Variants in PRKN observed in about 807,000 individuals in gnomAD.
PRKN encodes the protein parkin RBR E3 ubiquitin protein ligase, also known as E3 ubiquitin-protein ligase parkin.
A neutral mutation model predicts 59.5 loss-of-function variants in PRKN; 56 were observed. That is an observed-to-expected ratio of 0.94 (90% confidence interval 0.76 to 1.18). The LOEUF is 1.18. Among genes scored for constraint, PRKN ranks in the 50% most tolerant of loss-of-function variants. PRKN has a pLI of 0.00. For synonymous variants in PRKN, 250 were observed against 222.1 expected, an observed-to-expected ratio of 1.13 and a Z score of -1.12; for missense variants, 657 against 596.4, an observed-to-expected ratio of 1.10 and a Z score of -1.06.
chr6:161,919,382 C>T (rs1028039801), intron 6 of PRKN, among the ~76,000 whole-genome samples: 7 of 152,070 alleles, frequency 4.6e-5, no homozygotes, highest in African/African-American at 1.4e-4. Context: ...AAATATGCAT[C>T]GAAAAACTTT....
intron 2 of PRKN, among the ~76,000 whole-genome samples, chr6:162,422,484 G>A (rs1460936204): frequency 1.3e-5 from 2 of 152,136 alleles, no homozygotes; most frequent in African/African-American, 4.8e-5. Context: ...GCTCTCACAG[G>A]GCAGGGAAGG....
chr6:162,469,214 G>T (rs182785779), intron 1 of PRKN, among the ~76,000 whole-genome samples: 6 of 151,890 alleles, frequency 4.0e-5, no homozygotes, highest in Non-Finnish European at 7.4e-5. Flanking sequence ...TTGAAGGCAC[G>T]CACCACACTA....
intron 7 of PRKN, among the ~76,000 whole-genome samples, chr6:161,633,808 G>T (rs926358311): frequency 6.6e-6 from 1 of 152,054 alleles, no homozygotes; most frequent in African/African-American, 2.4e-5. Context: ...CATTCCACTC[G>T]ATTTTTCTAA....
rs186659614 is a variant in PRKN, at chr6:161,428,588, G to A, written c.1084-41711C>T. Among the ~76,000 whole-genome samples, 15 of 152,262 alleles carry A rather than the reference G, an allele frequency of 9.9e-5. No individual in the cohort carries two copies. The highest frequency in any genetic ancestry group is 3.9e-4 in the East Asian group (2 of 5,184). On this transcript the variant is annotated intron_variant, in intron 9 of 11. Coordinates refer to ENST00000366898, the MANE Select transcript of PRKN (RefSeq NM_004562.3). This position sits in a 1 kb window ranked among gnomAD's most constrained non-coding sequence, Gnocchi z 4.0. ...TTGTGGCTGCCTTTGATTGTTTGGCGGTTTGCTGTGTTCTCTGAGTGTTTT... is the reference window on the plus strand; with the variant it reads ...TTGTGGCTGCCTTTGATTGTTTGGCAGTTTGCTGTGTTCTCTGAGTGTTTT...
intron 2 of PRKN, among the ~76,000 whole-genome samples, chr6:162,390,745 G>A (rs1787141041): frequency 6.6e-6 from 1 of 151,990 alleles, no homozygotes; most frequent in Admixed American, 6.6e-5. Flanking sequence ...GCCCAGCCCT[G>A]CTAAGGTATA....
chr6:161,995,789 T>C (rs1368037760), intron 5 of PRKN, among the ~76,000 whole-genome samples: 1 of 152,160 alleles, frequency 6.6e-6, no homozygotes, highest in Non-Finnish European at 1.5e-5. Context: ...AAGGCAACTC[T>C]TATACACTGT....
At chr6:162,302,536 C>T (rs1782006911) in intron 2 of PRKN, among the ~76,000 whole-genome samples, 1 of 151,994 alleles carries the variant, frequency 6.6e-6, no homozygotes, top group African/African-American at 2.4e-5. Flanking sequence ...GTGACAGTCC[C>T]CGGGGAAGAG....
chr6:162,619,788 A>C (rs1782584764), intron 1 of PRKN, among the ~76,000 whole-genome samples: 1 of 152,052 alleles, frequency 6.6e-6, no homozygotes. Context: ...TCATACTTCT[A>C]TTCTTACTGT....
At chr6:161,900,928 A>ATATATT (rs377615355) in intron 6 of PRKN, among the ~76,000 whole-genome samples, 4 of 143,510 alleles carry the variant, frequency 2.8e-5, no homozygotes, top group African/African-American at 1.0e-4. Flanking sequence ...ATATATATAT[A>ATATATT]TTTTTTAGAT....
chr6:161,492,320 C>T (rs1253077908), intron 9 of PRKN, among the ~76,000 whole-genome samples: 1 of 152,040 alleles, frequency 6.6e-6, no homozygotes, highest in Non-Finnish European at 1.5e-5. Flanking sequence ...AAGATTATGG[C>T]CTATGGTCTT....
chr6:161,904,697 G>A (rs952570698), intron 6 of PRKN, among the ~76,000 whole-genome samples: 7 of 152,138 alleles, frequency 4.6e-5, no homozygotes, highest in African/African-American at 1.7e-4. Context: ...CTTGGGATGT[G>A]CCAAGTCGCA....
At chr6:162,487,873 C>T (rs1792619282) in intron 1 of PRKN, among the ~76,000 whole-genome samples, 1 of 151,962 alleles carries the variant, frequency 6.6e-6, no homozygotes, top group Admixed American at 6.6e-5. Flanking sequence ...GCCAAGAGTT[C>T]CAGACCAGCC....
chr6:162,238,344 C>A (rs571102570), intron 3 of PRKN, among the ~76,000 whole-genome samples: 4 of 152,204 alleles, frequency 2.6e-5, no homozygotes, highest in African/African-American at 7.2e-5. Flanking sequence ...GTAGGCTATA[C>A]CATCTAGATT....
At chr6:161,775,456 C>A (rs903206541) in intron 7 of PRKN, among the ~76,000 whole-genome samples, 16 of 152,112 alleles carry the variant, frequency 1.1e-4, no homozygotes, top group African/African-American at 3.9e-4. Context: ...TTGCACCAGG[C>A]TAGCCTCAAA....
At chr6:161,507,761 T>C (rs1215375776) in intron 9 of PRKN, among the ~76,000 whole-genome samples, 1 of 152,194 alleles carries the variant, frequency 6.6e-6, no homozygotes, top group Non-Finnish European at 1.5e-5. Flanking sequence ...CATATTTTCC[T>C]ACCCTCACTA....
At chr6:162,295,242 T>C (rs1383635549) in intron 2 of PRKN, among the ~76,000 whole-genome samples, 1 of 152,192 alleles carries the variant, frequency 6.6e-6, no homozygotes, top group African/African-American at 2.4e-5. Context: ...CCAAGCTTTC[T>C]TACCAGAGGA....
At chr6:161,535,048 T>C (rs1008863568) in intron 9 of PRKN, among the ~76,000 whole-genome samples, 3 of 152,236 alleles carry the variant, frequency 2.0e-5, no homozygotes, top group African/African-American at 7.2e-5. Flanking sequence ...TGGTTCTACA[T>C]GGTTTAGTAG....
In PRKN at chr6:161,467,415, C is replaced by T. The variant is rs1357157157; in HGVS notation, c.1084-80538G>A. On this transcript the variant is annotated intron_variant, in intron 9 of 11. Coordinates refer to ENST00000366898, the MANE Select transcript of PRKN (RefSeq NM_004562.3). This position sits in a 1 kb window ranked among gnomAD's most constrained non-coding sequence, Gnocchi z 4.3. ...ATAAGTTCAGTCCAGCACACACTTA[C>T]CAAGTTCTTGTATGTGCTGGGCATT... Among the ~76,000 whole-genome samples the T allele has an allele frequency of 6.6e-6, 1 of 152,182 alleles. No homozygotes were observed. Among genetic ancestry groups the T allele is most frequent in the Non-Finnish European group, 1.5e-5 (1 of 68,046 alleles).
intron 4 of PRKN, among the ~76,000 whole-genome samples, chr6:162,069,194 C>G (rs2128290123): frequency 6.6e-6 from 1 of 152,244 alleles, no homozygotes; most frequent in East Asian, 1.9e-4. Context: ...GGGCTGGTCT[C>G]TCTCGTGCTA....
Sources: gnomAD v4.1 joint callset for allele counts (sites outside exome capture counted in the v4.1 genomes callset) on GRCh38, gnomAD v4.1.1 for gene constraint, Gnocchi (gnomAD v3.1) non-coding constraint, MANE v1.5 for transcripts, NCBI Gene and HGNC (gene_info 2026-07-23, HGNC 2026-07-21) for gene names.